FRMD4B: variants seen among roughly 807,000 people sequenced by gnomAD.
The protein encoded by FRMD4B is FERM domain containing 4B, also known as FERM domain-containing protein 4B.
In FRMD4B, 74 loss-of-function variants were observed where a neutral mutation model predicts 141.5. The ratio of observed to expected loss-of-function variants is 0.52; its 90% CI spans 0.43 to 0.63. The LOEUF (loss-of-function observed/expected upper bound fraction) is 0.63, where lower values mean the gene tolerates loss of function less well. Among genes scored for constraint, FRMD4B ranks in the 30% least tolerant of loss-of-function variants. FRMD4B has a pLI of 0.00. For synonymous variants in FRMD4B, 506 were observed against 467.9 expected (o/e 1.08, Z -1.05); for missense variants, 1,366 against 1,253.4 (o/e 1.09, Z -1.36).
chr3:69,340,885 AT>A (rs1431413085), intron 1 of FRMD4B, among the ~76,000 whole-genome samples: 1 of 152,212 alleles, frequency 6.6e-6, no homozygotes, highest in East Asian at 1.9e-4. Flanking sequence ...TGCTCAGCTT[AT>A]AGCATGCACT....
intron 12 of FRMD4B, 23 bp from the exon 13 acceptor site, chr3:69,197,061 C>A (rs1365946345): frequency 6.2e-7 from 1 of 1,602,506 alleles, no homozygotes; most frequent in Admixed American, 1.7e-5. Context: ...AGAAAGCACT[C>A]AAATAATTCC....
At chr3:69,474,679 C>T (rs1705953247) in intron 1 of FRMD4B, among the ~76,000 whole-genome samples, 2 of 150,166 alleles carry the variant, frequency 1.3e-5, no homozygotes, top group Admixed American at 1.3e-4. Context: ...TTGCTTTAAA[C>T]ACTGGAGCAT....
At chr3:69,210,973 G>A (rs1466516257) in intron 11 of FRMD4B, among the ~76,000 whole-genome samples, 6 of 126,192 alleles carry the variant, frequency 4.8e-5, no homozygotes, top group East Asian at 2.4e-4. Context: ...AGCTGAGCTC[G>A]TGCCATTGCA....
intron 1 of FRMD4B, among the ~76,000 whole-genome samples, chr3:69,535,349 G>T (rs574659860): frequency 3.0e-4 from 46 of 152,212 alleles, no homozygotes; most frequent in Non-Finnish European, 6.0e-4. Flanking sequence ...AGTGAGGGGT[G>T]TTAGGAGTCC....
At chr3:69,511,046 C>A (rs1351023792) in intron 1 of FRMD4B, among the ~76,000 whole-genome samples, 1 of 152,056 alleles carries the variant, frequency 6.6e-6, no homozygotes, top group Admixed American at 6.6e-5. Flanking sequence ...GAACAAACAC[C>A]ATTTTTCCAA....
intron 7 of FRMD4B, chr3:69,228,490 T>C (rs948146023): frequency 2.0e-5 from 9 of 455,934 alleles, no homozygotes; most frequent in Middle Eastern, 3.2e-4. Flanking sequence ...TCATATAAGA[T>C]ACAGATTTGA....
intron 1 of FRMD4B, among the ~76,000 whole-genome samples, chr3:69,447,266 A>G (rs1705423499): frequency 6.6e-6 from 1 of 152,144 alleles, no homozygotes; most frequent in African/African-American, 2.4e-5. Flanking sequence ...GGTTGGCCAA[A>G]TGTAGTTATT....
upstream of FRMD4B, among the ~76,000 whole-genome samples, chr3:69,388,066 C>T (rs981053): frequency 1.3e-5 from 2 of 151,390 alleles, no homozygotes; most frequent in Non-Finnish European, 2.9e-5. Context: ...CCTATTAGTA[C>T]GAGCAAATGG....
At chr3:69,379,543 G>A (rs988873777) in intron 1 of FRMD4B, among the ~76,000 whole-genome samples, 29 of 152,184 alleles carry the variant, frequency 1.9e-4, no homozygotes, top group African/African-American at 7.0e-4. Flanking sequence ...CCTCCCAAAT[G>A]CTGGGATTAT....
At chr3:69,316,191 G>C (rs1384611251) in intron 1 of FRMD4B, among the ~76,000 whole-genome samples, 5 of 152,226 alleles carry the variant, frequency 3.3e-5, no homozygotes, top group Admixed American at 2.0e-4. Context: ...GAACCACTGA[G>C]GTAGTGCTAA....
At chr3:69,387,455 A>T (rs145901570), upstream of FRMD4B, among the ~76,000 whole-genome samples, 253 of 152,272 alleles carry the variant, frequency 1.7e-3, 1 homozygote, top group Non-Finnish European at 3.2e-3. Flanking sequence ...TTCTCATAGC[A>T]AAAGTGCTGT....
upstream of FRMD4B, among the ~76,000 whole-genome samples, chr3:69,388,608 C>G (rs540170604): frequency 2.6e-5 from 4 of 152,210 alleles, no homozygotes; most frequent in East Asian, 7.7e-4. Context: ...ACCCGTGAGA[C>G]CCCATATAAG....
intron 5 of FRMD4B, among the ~76,000 whole-genome samples, chr3:69,265,977 G>A (rs1261303446): frequency 6.6e-6 from 1 of 151,818 alleles, no homozygotes; most frequent in African/African-American, 2.4e-5. Context: ...CAGGAGGATT[G>A]CTTGAGCACA....
In FRMD4B at chr3:69,176,567, T is replaced by C. The variant is rs1465311806; in HGVS notation, c.2941A>G (p.Ser981Gly). ...YETPAHSSYT[S>G]CYGNVYNPLP... ...GGATTATAGACATTGCCATAGCAGCTGGTGTAAGAAGAATGTGCTGGAGTC... is the reference window on the plus strand; with the variant it reads ...GGATTATAGACATTGCCATAGCAGCCGGTGTAAGAAGAATGTGCTGGAGTC... Residue 981 changes from serine to glycine, a missense_variant, in exon 22 of 23, where the codon AGC (serine) becomes GGC (glycine). By Grantham distance (56) the Ser-to-Gly change is moderately conservative. Transcript: ENST00000398540. 5 of 1,612,006 alleles carry C rather than the reference T, an allele frequency of 3.1e-6. No homozygotes were observed. The highest frequency in any genetic ancestry group is 4.2e-6 in the Non-Finnish European group (5 of 1,178,086).
chr3:69,258,208 C>T (rs2093504312), intron 5 of FRMD4B, among the ~76,000 whole-genome samples: 3 of 152,104 alleles, frequency 2.0e-5, no homozygotes, highest in Admixed American at 1.3e-4. Flanking sequence ...TCAAGCAATC[C>T]TCCTCCCTCA....
intron 1 of FRMD4B, among the ~76,000 whole-genome samples, chr3:69,338,707 A>C (rs1371224555): frequency 1.3e-5 from 2 of 152,186 alleles, no homozygotes; most frequent in Non-Finnish European, 2.9e-5. Context: ...GAGGAGGGTG[A>C]GGATCAAAAA....
chr3:69,541,483 C>A (rs970072042), intron 1 of FRMD4B: 6 of 152,222 alleles, frequency 3.9e-5, no homozygotes, highest in African/African-American at 1.2e-4. Context: ...AGATTTAATA[C>A]ACGTCTCACC....
At chr3:69,201,980 GA>G (rs1162687733) in intron 11 of FRMD4B, among the ~76,000 whole-genome samples, 3 of 152,256 alleles carry the variant, frequency 2.0e-5, no homozygotes, top group South Asian at 4.1e-4. Context: ...GAGGCGGGTG[GA>G]TCACCTGAGG....
At position 69,171,651 on chromosome 3, in the gene FRMD4B, G is replaced by A; in HGVS notation, c.*210C>T. 1 of 518,824 alleles carries A rather than the reference G, an allele frequency of 1.9e-6. No homozygotes were observed. The highest frequency in any genetic ancestry group is 2.3e-5 in the South Asian group (1 of 43,810). 32.1% of individuals were successfully genotyped at this position (518,824 alleles called of 1,614,324 possible). A position where few individuals can be genotyped will look rare whatever the true frequency, so the allele number is the denominator to read the frequency against. ...GGGCAGACCCTACAGTTACGTTAGT[G>A]CCTAGAGTTTGAAAGGCCAAATCCT... is the stretch of plus-strand genomic sequence containing the variant. On this transcript the variant is annotated 3_prime_UTR_variant, in exon 23 of 23. Transcript: ENST00000398540.
Sources: allele counts gnomAD v4.1 joint callset (sites outside exome capture counted in the v4.1 genomes callset), GRCh38; gene constraint gnomAD v4.1.1; transcripts MANE v1.5; gene names NCBI Gene and HGNC (gene_info 2026-07-23, HGNC 2026-07-21).